ZFAND3: variants seen among roughly 807,000 people sequenced by gnomAD.
ZFAND3 encodes the protein zinc finger AN1-type containing 3.
Under a neutral mutation model 29.6 loss-of-function variants are expected in ZFAND3, and 10 were observed. The observed-to-expected ratio is 0.34, with a 90% CI of 0.21 to 0.57. The LOEUF (loss-of-function observed/expected upper bound fraction) is 0.57. Ranked by LOEUF, ZFAND3 falls within the 20% of genes least tolerant of loss-of-function variation. ZFAND3 has a pLI of 0.86. For missense variants in ZFAND3, 230 were observed against 304.5 expected (o/e 0.76, Z 1.82); for synonymous variants, 128 against 112.6 (o/e 1.14, Z -0.87).
At chr6:37,934,273 C>T (rs1000665576) in intron 2 of ZFAND3, among the ~76,000 whole-genome samples, 1 of 151,860 alleles carries the variant, frequency 6.6e-6, no homozygotes, top group Non-Finnish European at 1.5e-5. Flanking sequence ...GCCTCTGCCT[C>T]CCGGGTTCAA....
chr6:37,944,496 GC>G (rs1761867009), intron 2 of ZFAND3, among the ~76,000 whole-genome samples: 1 of 152,076 alleles, frequency 6.6e-6, no homozygotes, highest in African/African-American at 2.4e-5. Flanking sequence ...AAGAGGAGGA[GC>G]CTAAAAAAAG....
At chr6:37,821,385 T>C (rs1300649228) in intron 1 of ZFAND3, among the ~76,000 whole-genome samples, 1 of 152,252 alleles carries the variant, frequency 6.6e-6, no homozygotes, top group Non-Finnish European at 1.5e-5. Context: ...ATATTTCTAG[T>C]CTTCCCTTCA....
chr6:38,057,680 C>T (rs1367143827), intron 2 of ZFAND3, among the ~76,000 whole-genome samples: 1 of 152,180 alleles, frequency 6.6e-6, no homozygotes, highest in Non-Finnish European at 1.5e-5. Flanking sequence ...CTCTAAAGCT[C>T]TTTGTATTGC....
intron 2 of ZFAND3, among the ~76,000 whole-genome samples, chr6:38,001,706 C>G (rs1053967508): frequency 1.3e-5 from 2 of 152,034 alleles, no homozygotes; most frequent in Admixed American, 1.3e-4. Context: ...AGTGAGATGT[C>G]TGGTTTATTC....
At chr6:38,144,009 G>A (rs968438392) in intron 5 of ZFAND3, among the ~76,000 whole-genome samples, 1 of 151,662 alleles carries the variant, frequency 6.6e-6, no homozygotes, top group African/African-American at 2.4e-5. Context: ...ACCGGATGTG[G>A]TATAATCCAG....
chr6:37,955,992 T>G (rs1581790432), intron 2 of ZFAND3, among the ~76,000 whole-genome samples: 1 of 151,742 alleles, frequency 6.6e-6, no homozygotes, highest in South Asian at 2.1e-4. Context: ...AGAGTCGGGG[T>G]GGAGGGTTGT....
chr6:37,892,619 A>G (rs1284672923), intron 1 of ZFAND3, among the ~76,000 whole-genome samples: 1 of 152,226 alleles, frequency 6.6e-6, no homozygotes, highest in Non-Finnish European at 1.5e-5. Flanking sequence ...AGATTAGAGC[A>G]GAAATTAATA....
At chr6:37,999,268 A>T (rs1037338471) in intron 2 of ZFAND3, among the ~76,000 whole-genome samples, 1 of 152,230 alleles carries the variant, frequency 6.6e-6, no homozygotes, top group African/African-American at 2.4e-5. Flanking sequence ...AATATCCATG[A>T]GTCCATACTG....
intron 1 of ZFAND3, among the ~76,000 whole-genome samples, chr6:37,877,752 C>T (rs909596500): frequency 6.6e-6 from 1 of 152,122 alleles, no homozygotes; most frequent in African/African-American, 2.4e-5. Flanking sequence ...CTACAAAGTA[C>T]TATGTATTAA....
At chr6:38,095,298 C>T (rs1298285553) in intron 4 of ZFAND3, among the ~76,000 whole-genome samples, 1 of 152,206 alleles carries the variant, frequency 6.6e-6, no homozygotes, top group African/African-American at 2.4e-5. Context: ...AATGTTACTA[C>T]AGCAAAGCCA....
intron 1 of ZFAND3, among the ~76,000 whole-genome samples, chr6:37,916,743 C>T (rs2127407225): frequency 6.6e-6 from 1 of 152,336 alleles, no homozygotes; most frequent in East Asian, 1.9e-4. Context: ...GTTTCTGGTA[C>T]CTGCAGTCAA....
In ZFAND3 at chr6:37,922,802, G is replaced by A. The variant is rs140506971; in HGVS notation, c.72-7157G>A. 7.9e-5 allele frequency among the ~76,000 whole-genome samples: 12 copies of A among 152,306 alleles called. No homozygotes were observed. In the East Asian group the frequency reaches 2.1e-3, roughly 27 times the overall value. On this transcript the variant is annotated intron_variant, in intron 1 of 5. Transcript: ENST00000287218. ...ATAAAAAAGTGTACACCTGTCCCAG[G>A]CACTTACCATGAATGGAGCTTACAA...
intron 2 of ZFAND3, among the ~76,000 whole-genome samples, chr6:37,967,952 G>A (rs925029066): frequency 3.3e-5 from 5 of 151,784 alleles, no homozygotes; most frequent in African/African-American, 1.2e-4. Context: ...CTCTTGTTTT[G>A]GTGTTTTTGC....
At chr6:38,077,762 G>T (rs775138564) in intron 3 of ZFAND3, among the ~76,000 whole-genome samples, 3 of 152,170 alleles carry the variant, frequency 2.0e-5, no homozygotes, top group Non-Finnish European at 4.4e-5. Context: ...AGATTAAGAA[G>T]AAATGGTATT....
At chr6:38,050,057 C>G (rs1416206910) in intron 2 of ZFAND3, among the ~76,000 whole-genome samples, 1 of 142,484 alleles carries the variant, frequency 7.0e-6, no homozygotes, top group Non-Finnish European at 1.5e-5. Flanking sequence ...CAGGTTCAAG[C>G]AATTATCATG....
At chr6:38,110,534 T>C (rs1001118485) in intron 4 of ZFAND3, among the ~76,000 whole-genome samples, 1 of 152,172 alleles carries the variant, frequency 6.6e-6, no homozygotes, top group Admixed American at 6.5e-5. Flanking sequence ...AAAGCTCCTT[T>C]TAAGTGGTCG....
At chr6:37,982,329 T>C (rs1226653069) in intron 2 of ZFAND3, among the ~76,000 whole-genome samples, 1 of 152,144 alleles carries the variant, frequency 6.6e-6, no homozygotes, top group Non-Finnish European at 1.5e-5. Context: ...TCCCGAGATA[T>C]ATTTTCCTTT....
intron 2 of ZFAND3, among the ~76,000 whole-genome samples, chr6:37,965,618 C>T (rs1762279979): frequency 6.6e-6 from 1 of 151,464 alleles, no homozygotes. Context: ...TCTTGTCCTT[C>T]ACTTCATGAG....
chr6:37,966,400 A>G lies in ZFAND3; in HGVS notation c.112+36401A>G, dbSNP rs376864525. ...CATACAAAGTGCCAGGCATTGTGCT[A>G]AGGTGCCTTATATCTCTCACTTAAT... On this transcript the variant is annotated intron_variant, in intron 2 of 5. Transcript: ENST00000287218. 9.2e-5 allele frequency among the ~76,000 whole-genome samples: 14 copies of G among 152,308 alleles called. No individual in the cohort carries two copies. The South Asian group carries it at 2.9e-3, about 32-fold the overall frequency.
Sources: allele counts gnomAD v4.1 joint callset (sites outside exome capture counted in the v4.1 genomes callset), GRCh38; gene constraint gnomAD v4.1.1; transcripts MANE v1.5; gene names NCBI Gene and HGNC (gene_info 2026-07-23, HGNC 2026-07-21).